ARNT2: variants seen among roughly 807,000 people sequenced by gnomAD.
ARNT2 encodes the protein ARNT protein 2.
Under a neutral mutation model 91.7 loss-of-function variants are expected in ARNT2, and 36 were observed. That is an observed-to-expected ratio of 0.39 (90% confidence interval 0.30 to 0.52). The LOEUF (loss-of-function observed/expected upper bound fraction) is 0.52. Ranked by LOEUF, ARNT2 falls within the 20% of genes least tolerant of loss-of-function variation. ARNT2 has a pLI of 0.72. For synonymous variants in ARNT2, 365 were observed against 347.1 expected (o/e 1.05, Z -0.57); for missense variants, 775 against 939.3 (o/e 0.83, Z 2.29).
At chr15:80,442,508 A>G (rs565825793) in intron 1 of ARNT2, among the ~76,000 whole-genome samples, 2 of 152,356 alleles carry the variant, frequency 1.3e-5, no homozygotes, top group East Asian at 3.9e-4. Flanking sequence ...CCTGGCTCAA[A>G]AGAAGAGCTT....
At position 80,508,236 on chromosome 15, in the gene ARNT2, C is replaced by T. The variant is rs779318478; in HGVS notation, c.703C>T (p.Arg235Trp). 3.7e-6 allele frequency: 6 copies of T among 1,613,996 alleles called. No homozygotes were observed. The highest frequency in any genetic ancestry group is 2.2e-5 in the South Asian group (2 of 91,070). Residue 235 changes from arginine (R) to tryptophan (W), a missense_variant, in exon 6 of 19, where the codon CGG (arginine) becomes TGG (tryptophan). Around this residue, in one of 5 missense-constraint regions of ARNT2, gnomAD observed 285 missense variants for 327.2 expected, o/e 0.87. Transcript: ENST00000303329. ...CATGAGGATGTGCATGGGCTCGCGG[C>T]GGTCTTTCATCTGCAGGATGAGGTC... Reference protein sequence around the residue: ...SSMRMCMGSRRSFICRMRCGN... With the variant: ...SSMRMCMGSRWSFICRMRCGN...
intron 6 of ARNT2, among the ~76,000 whole-genome samples, chr15:80,511,277 T>C (rs8036496): frequency 0.051 from 7,735 of 152,150 alleles, 481 homozygotes; most frequent in African/African-American, 0.14. Context: ...AACACAGGAA[T>C]GAAAAACCAA....
In ARNT2 at chr15:80,527,201, G is replaced by A. The variant is rs61032023; in HGVS notation, c.877+12796G>A. Among the ~76,000 whole-genome samples the A allele has an allele frequency of 2.6e-4, 40 of 152,308 alleles. No individual in the cohort carries two copies. In the East Asian group the frequency reaches 6.8e-3, roughly 26 times the overall value. On this transcript the variant is annotated intron_variant, in intron 8 of 18. Transcript: ENST00000303329. Reference sequence around the variant, plus strand: ...CACAGGCCAGCCACTTTGCTAGGTCGTGGGGATCCTAAGGTGAGTCTGACA... The same window carrying A: ...CACAGGCCAGCCACTTTGCTAGGTCATGGGGATCCTAAGGTGAGTCTGACA...
chr15:80,492,066 G>A (rs1897065155), intron 5 of ARNT2, among the ~76,000 whole-genome samples: 1 of 151,388 alleles, frequency 6.6e-6, no homozygotes, highest in African/African-American at 2.4e-5. Context: ...TTCTAGACAG[G>A]GTCTTCTTTG....
At chr15:80,431,084 T>C (rs1335006908) in intron 1 of ARNT2, among the ~76,000 whole-genome samples, 1 of 152,070 alleles carries the variant, frequency 6.6e-6, no homozygotes, top group Admixed American at 6.5e-5. Flanking sequence ...TGGACACCGC[T>C]CAGGTACTTA....
chr15:80,580,837 C>A (rs1275904960), intron 16 of ARNT2, among the ~76,000 whole-genome samples: 1 of 152,228 alleles, frequency 6.6e-6, no homozygotes, highest in Admixed American at 6.5e-5. Flanking sequence ...GAGCCCCTCA[C>A]TACTCTGGAC....
chr15:80,534,152 G>A (rs548196225), intron 8 of ARNT2, among the ~76,000 whole-genome samples: 23 of 152,280 alleles, frequency 1.5e-4, no homozygotes, highest in African/African-American at 5.1e-4. Flanking sequence ...CCATCATCAG[G>A]CATGTTATCT....
At chr15:80,438,652 T>C (rs1896132420) in intron 1 of ARNT2, among the ~76,000 whole-genome samples, 1 of 152,234 alleles carries the variant, frequency 6.6e-6, no homozygotes. Flanking sequence ...TCAGAAAGAA[T>C]ATGACAGTCT....
intron 1 of ARNT2, among the ~76,000 whole-genome samples, chr15:80,412,576 T>G (rs532715493): frequency 6.6e-6 from 1 of 152,208 alleles, no homozygotes; most frequent in East Asian, 1.9e-4. Context: ...TTTCCCTTCA[T>G]TAATGGTATA....
chr15:80,404,970 C>T lies in ARNT2; in HGVS notation c.31+424C>T, dbSNP rs1895577115. ...CGCTGACGGAGGGAAAAGTTTGGAG[C>T]TGGGATTCAACAGGGTACAACTCCC... On this transcript the variant is annotated intron_variant, in intron 1 of 18. Transcript: ENST00000303329. The surrounding 1 kb of genome is among the most constrained non-coding windows in gnomAD (Gnocchi z 5.5). Among the ~76,000 whole-genome samples the T allele has an allele frequency of 6.6e-6, 1 of 152,206 alleles. No homozygotes were observed. Among genetic ancestry groups the T allele is most frequent in the South Asian group, 2.1e-4 (1 of 4,830 alleles).
At chr15:80,479,137 G>A (rs1896849661) in intron 5 of ARNT2, among the ~76,000 whole-genome samples, 1 of 152,240 alleles carries the variant, frequency 6.6e-6, no homozygotes, top group South Asian at 2.1e-4. Context: ...TACTGAATGT[G>A]TGGAGGTTTG....
chr15:80,486,089 G>C (rs1266434670), intron 5 of ARNT2, among the ~76,000 whole-genome samples: 1 of 152,176 alleles, frequency 6.6e-6, no homozygotes. Flanking sequence ...GTAGCTGACA[G>C]TCCTTGCCAT....
chr15:80,514,235 C>T (rs1241383399), intron 7 of ARNT2, 85 bp from the exon 8 acceptor site: 1 of 1,384,632 alleles, frequency 7.2e-7, no homozygotes, highest in Non-Finnish European at 1.0e-6. Context: ...CAAGGGAACC[C>T]AGTAGCTTAG....
chr15:80,504,251 G>C (rs1353985318), intron 5 of ARNT2, among the ~76,000 whole-genome samples: 1 of 152,202 alleles, frequency 6.6e-6, no homozygotes, highest in Non-Finnish European at 1.5e-5. Flanking sequence ...ATTGTTCTTA[G>C]CTGTTGTCTC....
chr15:80,572,852 A>G (rs936938483), intron 12 of ARNT2, among the ~76,000 whole-genome samples: 1 of 152,174 alleles, frequency 6.6e-6, no homozygotes, highest in African/African-American at 2.4e-5. Context: ...CACACCTTTC[A>G]TCATACCTTC....
chr15:80,535,798 G>T (rs1897813934), intron 8 of ARNT2, among the ~76,000 whole-genome samples: 2 of 151,724 alleles, frequency 1.3e-5, no homozygotes, highest in Admixed American at 1.3e-4. Context: ...TTTACTCAGA[G>T]CACTCATTAC....
chr15:80,592,232 C>G (rs866487477), intron 18 of ARNT2, among the ~76,000 whole-genome samples: 1 of 152,218 alleles, frequency 6.6e-6, no homozygotes, highest in African/African-American at 2.4e-5. Context: ...TATTTGAGAC[C>G]TTTCTAGACC....
chr15:80,478,884 C>T lies in ARNT2; in HGVS notation c.622+3661C>T, dbSNP rs146566485. On this transcript the variant is annotated intron_variant, in intron 5 of 18. Coordinates refer to ENST00000303329, the MANE Select transcript of ARNT2 (RefSeq NM_014862.4). Reference sequence around the variant, plus strand: ...ATGCCTTCAATTATTGGACTAGAGTCTCTCAAACCCTCCTGTCCCTTGACT... The same window carrying T: ...ATGCCTTCAATTATTGGACTAGAGTTTCTCAAACCCTCCTGTCCCTTGACT... Among the ~76,000 whole-genome samples, 78 of 152,350 alleles carry T rather than the reference C, an allele frequency of 5.1e-4. No individual in the cohort carries two copies. The East Asian group carries it at 0.014, about 28-fold the overall frequency.
chr15:80,514,801 G>T (rs1382046874), intron 8 of ARNT2, among the ~76,000 whole-genome samples: 3 of 152,084 alleles, frequency 2.0e-5, no homozygotes, highest in Non-Finnish European at 4.4e-5. Context: ...CAGGAGAGTC[G>T]CTTGAACCCA....
Sources: gnomAD v4.1 joint callset for allele counts (sites outside exome capture counted in the v4.1 genomes callset) on GRCh38, gnomAD v4.1.1 for gene constraint, gnomAD v4.1.1 regional missense constraint, Gnocchi (gnomAD v3.1) non-coding constraint, MANE v1.5 for transcripts, NCBI Gene and HGNC (gene_info 2026-07-23, HGNC 2026-07-21) for gene names.